NPEPPS: variants seen among roughly 807,000 people sequenced by gnomAD.
NPEPPS encodes the protein puromycin-sensitive aminopeptidase.
Under a neutral mutation model 115.5 loss-of-function variants are expected in NPEPPS, and 14 were observed. That is an observed-to-expected ratio of 0.12 (90% CI 0.08 to 0.19). NPEPPS has a LOEUF of 0.19. NPEPPS is among the 10% of genes least tolerant of loss of function. The probability of loss-of-function intolerance (pLI) is 1.00; values close to 1 mark genes in which losing one functional copy is unlikely to be tolerated. For missense variants in NPEPPS, 523 were observed against 1,110.8 expected (o/e 0.47, Z 7.52); for synonymous variants, 285 against 390.6 (o/e 0.73, Z 3.19).
chr17:47,561,987 A>G (rs1483321961), intron 2 of NPEPPS, among the ~76,000 whole-genome samples: 1 of 152,258 alleles, frequency 6.6e-6, no homozygotes, highest in Non-Finnish European at 1.5e-5. Flanking sequence ...TGGACCAGGT[A>G]CAGAGAGCTT....
chr17:47,553,523 A>G (rs906642197), intron 2 of NPEPPS, among the ~76,000 whole-genome samples: 10 of 152,206 alleles, frequency 6.6e-5, no homozygotes, highest in African/African-American at 2.4e-4. Flanking sequence ...TGGTAGTTAC[A>G]GTAGTTCCTC....
intron 20 of NPEPPS, among the ~76,000 whole-genome samples, 156 bp from the exon 21 acceptor site, chr17:47,618,853 T>C (rs1035427996): frequency 6.6e-6 from 1 of 152,230 alleles, no homozygotes; most frequent in Non-Finnish European, 1.5e-5. Flanking sequence ...AGCTTAAACA[T>C]TATCTTCTTT....
At chr17:47,588,413 A>G (rs1912316590) in intron 9 of NPEPPS, among the ~76,000 whole-genome samples, 1 of 151,962 alleles carries the variant, frequency 6.6e-6, no homozygotes, top group Non-Finnish European at 1.5e-5. Flanking sequence ...AAAAATAGAA[A>G]ATTAGCTGGG....
intron 1 of NPEPPS, among the ~76,000 whole-genome samples, chr17:47,545,100 G>A (rs1394477476): frequency 6.6e-6 from 1 of 151,998 alleles, no homozygotes; most frequent in Non-Finnish European, 1.5e-5. Context: ...GACCTCCTGG[G>A]CTTAAGGGAT....
intron 3 of NPEPPS, among the ~76,000 whole-genome samples, chr17:47,570,333 A>C (rs1181644889): frequency 6.6e-6 from 1 of 152,174 alleles, no homozygotes; most frequent in Non-Finnish European, 1.5e-5. Flanking sequence ...GAGGCAAGAA[A>C]ATCGCCAGAA....
At chr17:47,587,729 T>A (rs898865558) in intron 9 of NPEPPS, among the ~76,000 whole-genome samples, 3 of 152,252 alleles carry the variant, frequency 2.0e-5, no homozygotes, top group African/African-American at 7.2e-5. Context: ...AAAAGTAACC[T>A]GATGAATAAC....
chr17:47,555,981 C>CT (rs886460288), intron 2 of NPEPPS, among the ~76,000 whole-genome samples: 1,077 of 63,000 alleles, frequency 0.017, 12 homozygotes, highest in East Asian at 0.02. Context: ...TTCTGTTTTA[C>CT]TTTTTTTTTT....
intron 3 of NPEPPS, chr17:47,576,969 T>C (rs1911558552): frequency 1.2e-5 from 3 of 253,280 alleles, no homozygotes; most frequent in South Asian, 1.2e-4. Flanking sequence ...TTGTAATTGG[T>C]ATCATATAAT....
At chr17:47,583,399 A>G (rs942700832) in intron 5 of NPEPPS, among the ~76,000 whole-genome samples, 1 of 151,998 alleles carries the variant, frequency 6.6e-6, no homozygotes, top group Admixed American at 6.5e-5. Context: ...AGCCTGGCCA[A>G]CATGGTGAAA....
At chr17:47,600,472 T>C (rs1913126660) in intron 14 of NPEPPS, among the ~76,000 whole-genome samples, 1 of 152,144 alleles carries the variant, frequency 6.6e-6, no homozygotes, top group Admixed American at 6.6e-5. Context: ...AGATGACAGT[T>C]TTATTATCCA....
intron 2 of NPEPPS, among the ~76,000 whole-genome samples, chr17:47,553,981 A>C (rs1255743230): frequency 6.6e-6 from 1 of 150,634 alleles, no homozygotes; most frequent in Admixed American, 6.6e-5. Flanking sequence ...CCATCTTCTG[A>C]CCTCGTGATC....
rs138836419 is a variant in NPEPPS at position 47,608,498 on chromosome 17, C to T, written c.2095+2946C>T. ...AAGTGAGGGGGTGGGAATCATATCA[C>T]GCATGTGGCTCACACCTGTAATCCA... is the stretch of plus-strand genomic sequence containing the variant. On this transcript the variant is annotated intron_variant, in intron 17 of 22. Coordinates refer to ENST00000322157, the MANE Select transcript of NPEPPS (RefSeq NM_006310.4). Among the ~76,000 whole-genome samples the T allele has an allele frequency of 1.6e-3, 240 of 150,112 alleles. 1 individual carries two copies. Among genetic ancestry groups the T allele is most frequent in the African/African-American group, 5.5e-3 (226 of 40,882 alleles).
At chr17:47,572,967 G>T (rs1911290101) in intron 3 of NPEPPS, among the ~76,000 whole-genome samples, 1 of 151,994 alleles carries the variant, frequency 6.6e-6, no homozygotes, top group Non-Finnish European at 1.5e-5. Flanking sequence ...GTAGAGTTGG[G>T]GTTTCACCAT....
chr17:47,531,201 C>T lies in NPEPPS; in HGVS notation c.-100C>T. ...GGCAGCCCGCCCGCCAGTCCGCCCG[C>T]ACCGCCTCCTTCCCAGCCCCTAGCG... On this transcript the variant is annotated 5_prime_UTR_variant, in exon 1 of 23. Transcript: ENST00000322157. 1.4e-6 allele frequency: 2 copies of T among 1,414,288 alleles called. No homozygotes were observed. The highest frequency in any genetic ancestry group is 1.5e-5 in the South Asian group (1 of 67,386). 87.6% of individuals were successfully genotyped at this position (1,414,288 alleles called of 1,614,324 possible). A position where few individuals can be genotyped will look rare whatever the true frequency, so the allele number is the denominator to read the frequency against.
rs368542812 is a variant in NPEPPS, at chr17:47,615,569, A to T, written c.2295+1844A>T. The stretch of plus-strand genomic sequence containing the variant: ...AAGACCCTATCTTAAAAAAGACCCT[A>T]AAAAAAGTTAAATTTGGGTTTACTT... On this transcript the variant is annotated intron_variant, in intron 19 of 22. Coordinates refer to ENST00000322157, the MANE Select transcript of NPEPPS (RefSeq NM_006310.4). Among the ~76,000 whole-genome samples, 17 of 152,268 alleles carry T rather than the reference A, an allele frequency of 1.1e-4. No homozygotes were observed. In the East Asian group the frequency reaches 1.5e-3, roughly 14 times the overall value.
chr17:47,614,346 A>T (rs1474775300), intron 19 of NPEPPS, among the ~76,000 whole-genome samples: 3 of 152,208 alleles, frequency 2.0e-5, no homozygotes, highest in African/African-American at 4.8e-5. Flanking sequence ...GTGTAAACTT[A>T]CTTGGGGTTC....
chr17:47,553,951 C>G (rs77223058), intron 2 of NPEPPS, among the ~76,000 whole-genome samples: 6 of 151,456 alleles, frequency 4.0e-5, no homozygotes, highest in African/African-American at 1.5e-4. Flanking sequence ...GGGGTTTCAT[C>G]GTGTTAGCCA....
At chr17:47,535,208 A>G (rs1036700035) in intron 1 of NPEPPS, among the ~76,000 whole-genome samples, 2 of 108,238 alleles carry the variant, frequency 1.8e-5, no homozygotes, top group Admixed American at 1.3e-4. Context: ...GCGCCACTGC[A>G]CTCCAGCCTG....
intron 2 of NPEPPS, among the ~76,000 whole-genome samples, chr17:47,562,116 C>G (rs1910470696): frequency 6.6e-6 from 1 of 152,204 alleles, no homozygotes; most frequent in South Asian, 2.1e-4. Flanking sequence ...ATTCTTTGTA[C>G]TATTCTTTAT....
Sources: gnomAD v4.1 joint callset for allele counts (sites outside exome capture counted in the v4.1 genomes callset) on GRCh38, gnomAD v4.1.1 for gene constraint, MANE v1.5 for transcripts, NCBI Gene and HGNC (gene_info 2026-07-23, HGNC 2026-07-21) for gene names.